The following MCUB variants were observed in gnomAD, a reference collection of about 807,000 sequenced individuals.
MCUB encodes the protein calcium uniporter regulatory subunit MCUb, mitochondrial.
A neutral mutation model predicts 41.4 loss-of-function variants in MCUB; 46 were observed. That is an observed-to-expected ratio of 1.11 (90% CI 0.88 to 1.42). The LOEUF (loss-of-function observed/expected upper bound fraction) is 1.42. Ranked by LOEUF, MCUB falls within the 40% of genes most tolerant of loss-of-function variation. The pLI is 0.00. For missense variants in MCUB, 403 were observed against 404.9 expected, an observed-to-expected ratio of 1.00 and a Z score of 0.04; for synonymous variants, 148 against 148.2, an observed-to-expected ratio of 1.00 and a Z score of 0.01.
At chr4:109,631,451 A>G (rs781443106) in intron 1 of MCUB, among the ~76,000 whole-genome samples, 4 of 152,246 alleles carry the variant, frequency 2.6e-5, no homozygotes, top group Non-Finnish European at 4.4e-5. Context: ...AATAAATAAT[A>G]GAAATTGAGT....
At chr4:109,624,699 T>A (rs1294441502) in intron 1 of MCUB, among the ~76,000 whole-genome samples, 2 of 152,132 alleles carry the variant, frequency 1.3e-5, no homozygotes, top group African/African-American at 4.8e-5. Context: ...GCAAAGAAAC[T>A]GGCAGAGATA....
At chr4:109,656,084 A>G (rs1042262900) in intron 1 of MCUB, among the ~76,000 whole-genome samples, 1 of 152,004 alleles carries the variant, frequency 6.6e-6, no homozygotes, top group Non-Finnish European at 1.5e-5. Context: ...TACACCTGCA[A>G]CTTTATCAGT....
intron 1 of MCUB, among the ~76,000 whole-genome samples, chr4:109,646,135 C>G (rs1579081010): frequency 6.6e-6 from 1 of 152,084 alleles, no homozygotes; most frequent in East Asian, 1.9e-4. Context: ...ATACTACCAT[C>G]TGGTTTCTGT....
At chr4:109,606,202 C>G (rs1435849747) in intron 1 of MCUB, among the ~76,000 whole-genome samples, 1 of 152,126 alleles carries the variant, frequency 6.6e-6, no homozygotes, top group Non-Finnish European at 1.5e-5. Flanking sequence ...TCTCGATCTC[C>G]TGACCTCGTG....
chr4:109,623,403 G>T (rs1051109998), intron 1 of MCUB, among the ~76,000 whole-genome samples: 1 of 152,200 alleles, frequency 6.6e-6, no homozygotes, highest in South Asian at 2.1e-4. Context: ...GCAAGTCATA[G>T]GTGATTCCAG....
intron 1 of MCUB, among the ~76,000 whole-genome samples, chr4:109,619,047 C>T (rs1728195251): frequency 6.7e-6 from 1 of 148,560 alleles, no homozygotes; most frequent in African/African-American, 2.5e-5. Context: ...TACCTACCTA[C>T]CTACCTACCT....
At chr4:109,577,598 CTTTTTTT>C (rs71594195) in intron 1 of MCUB, among the ~76,000 whole-genome samples, 12 of 48,662 alleles carry the variant, frequency 2.5e-4, no homozygotes, top group East Asian at 6.3e-4. Context: ...TACTTGAATT[CTTTTTTT>C]TTTTTTTTTT....
In MCUB at chr4:109,676,226, G is replaced by A. The variant is rs891342541; in HGVS notation, c.452-6356G>A. On this transcript the variant is annotated intron_variant, in intron 4 of 7. Transcript: ENST00000394650. Reference sequence around the variant, plus strand: ...TTTAGAGATTTACTTAAGTGGTCATGATCAGAATGTTTGTAGAAATATCGA... The same window carrying A: ...TTTAGAGATTTACTTAAGTGGTCATAATCAGAATGTTTGTAGAAATATCGA... Among the ~76,000 whole-genome samples the A allele has an allele frequency of 5.9e-5, 9 of 152,298 alleles. No individual in the cohort carries two copies. The South Asian group carries it at 1.5e-3, about 25-fold the overall frequency.
At chr4:109,600,957 G>A (rs748524814) in intron 1 of MCUB, among the ~76,000 whole-genome samples, 2 of 152,064 alleles carry the variant, frequency 1.3e-5, no homozygotes, top group Admixed American at 6.6e-5. Flanking sequence ...ACCAAGCCCA[G>A]CTAATTTTTG....
chr4:109,686,710 C>T (rs1421562429), intron 7 of MCUB, among the ~76,000 whole-genome samples: 1 of 152,038 alleles, frequency 6.6e-6, no homozygotes, highest in Non-Finnish European at 1.5e-5. Flanking sequence ...CTCATCTCTA[C>T]AAAATTTGTT....
At chr4:109,637,674 C>T (rs894647696) in intron 1 of MCUB, among the ~76,000 whole-genome samples, 1 of 152,086 alleles carries the variant, frequency 6.6e-6, no homozygotes, top group African/African-American at 2.4e-5. Flanking sequence ...CATTTTTGTT[C>T]TCATTCATAA....
chr4:109,652,453 T>A (rs1056436437), intron 1 of MCUB, among the ~76,000 whole-genome samples: 1 of 152,214 alleles, frequency 6.6e-6, no homozygotes, highest in African/African-American at 2.4e-5. Flanking sequence ...AACCATAGAC[T>A]GGGTAATTAA....
intron 4 of MCUB, among the ~76,000 whole-genome samples, chr4:109,666,921 C>A (rs917419326): frequency 6.6e-6 from 1 of 152,148 alleles, no homozygotes; most frequent in Non-Finnish European, 1.5e-5. Context: ...TTGAGCCTTG[C>A]ATACCTGGAT....
At chr4:109,599,640 C>T (rs572201376) in intron 1 of MCUB, among the ~76,000 whole-genome samples, 53 of 151,750 alleles carry the variant, frequency 3.5e-4, no homozygotes, top group African/African-American at 1.2e-3. Flanking sequence ...GCTGGCCAAA[C>T]GTATACCTTT....
At chr4:109,682,266 T>C (rs1401769665) in intron 4 of MCUB, among the ~76,000 whole-genome samples, 1 of 152,084 alleles carries the variant, frequency 6.6e-6, no homozygotes, top group Admixed American at 6.5e-5. Context: ...TGTAGCTGCT[T>C]ATGCTCAATT....
intron 1 of MCUB, among the ~76,000 whole-genome samples, chr4:109,656,170 A>G (rs1729093287): frequency 6.6e-6 from 1 of 151,934 alleles, no homozygotes; most frequent in African/African-American, 2.4e-5. Context: ...ATTATCACCA[A>G]TGGCATTTAG....
chr4:109,621,509 G>A (rs758206482), intron 1 of MCUB, among the ~76,000 whole-genome samples: 43 of 152,142 alleles, frequency 2.8e-4, no homozygotes, highest in Admixed American at 7.2e-4. Context: ...ATGTTACAAG[G>A]TAGATGAATG....
At chr4:109,567,108 G>A (rs1393890919) in intron 1 of MCUB, among the ~76,000 whole-genome samples, 1 of 147,162 alleles carries the variant, frequency 6.8e-6, no homozygotes, top group African/African-American at 2.6e-5. Flanking sequence ...CTCCAGCCTG[G>A]GCGACAGAGC....
intron 1 of MCUB, among the ~76,000 whole-genome samples, chr4:109,598,594 G>GTC (rs1035480581): frequency 6.7e-5 from 9 of 134,582 alleles, no homozygotes; most frequent in Admixed American, 6.4e-4. Context: ...TGGAAACAGA[G>GTC]GGAGAGGGAG....
Sources: allele counts gnomAD v4.1 joint callset (sites outside exome capture counted in the v4.1 genomes callset), GRCh38; gene constraint gnomAD v4.1.1; transcripts MANE v1.5; gene names NCBI Gene and HGNC (gene_info 2026-07-23, HGNC 2026-07-21).